KRIT1: variants seen among roughly 807,000 people sequenced by gnomAD.
KRIT1 encodes KRIT1 ankyrin repeat containing.
In KRIT1, 45 loss-of-function variants were observed where a neutral mutation model predicts 95.8. The observed-to-expected ratio is 0.47, with a 90% CI of 0.37 to 0.60. The LOEUF (loss-of-function observed/expected upper bound fraction) is 0.60. KRIT1 is among the 20% of genes least tolerant of loss of function. The pLI, the probability that KRIT1 is intolerant of heterozygous loss-of-function variation, is 0.00. For synonymous variants in KRIT1, 282 were observed against 278.8 expected (o/e 1.01, Z -0.11); for missense variants, 788 against 877.5 (o/e 0.90, Z 1.29).
At chr7:92,209,353 T>C (rs1186695596) in intron 17 of KRIT1, among the ~76,000 whole-genome samples, 1 of 152,112 alleles carries the variant, frequency 6.6e-6, no homozygotes, top group East Asian at 1.9e-4. Context: ...CTGGAAGTCC[T>C]AGAGAGAGCA....
chr7:92,243,100 G>A (rs984806040), intron 3 of KRIT1, among the ~76,000 whole-genome samples: 7 of 152,216 alleles, frequency 4.6e-5, no homozygotes, highest in East Asian at 1.9e-4. Flanking sequence ...GATTACAGGC[G>A]TGAGCCACCA....
intron 13 of KRIT1, among the ~76,000 whole-genome samples, chr7:92,222,283 A>G (rs770907149): frequency 3.3e-5 from 5 of 152,200 alleles, no homozygotes; most frequent in Non-Finnish European, 4.4e-5. Flanking sequence ...TATCAAATGT[A>G]TATGAAATCC....
intron 14 of KRIT1, among the ~76,000 whole-genome samples, chr7:92,220,727 TTC>T (rs916377083): frequency 1.3e-4 from 19 of 143,718 alleles, no homozygotes; most frequent in African/African-American, 4.9e-4. Context: ...TGGAATCTCA[TTC>T]TGTCATCCAG....
rs540010607 is a variant in KRIT1 at position 92,219,076 on chromosome 7, C to T, written c.1563+2826G>A. 3.3e-5 allele frequency among the ~76,000 whole-genome samples: 5 copies of T among 152,344 alleles called. No homozygotes were observed. The East Asian group carries it at 7.7e-4, about 23-fold the overall frequency. ...AGTACAGTGGTGTGATCTTGGCTCA[C>T]TGCCCCCTCCACCTCCCGGGTTCAT... On this transcript the variant is annotated intron_variant, in intron 14 of 18. Transcript: ENST00000394505.
In KRIT1 at chr7:92,200,435, A is replaced by T. The variant is rs1789892711; in HGVS notation, c.*301T>A. 1 of 370,960 alleles carries T rather than the reference A, an allele frequency of 2.7e-6. No individual in the cohort carries two copies. Among genetic ancestry groups the T allele is most frequent in the East Asian group, 6.3e-5 (1 of 15,930 alleles). 23.0% of individuals were successfully genotyped at this position (370,960 alleles called of 1,614,324 possible). On this transcript the variant is annotated 3_prime_UTR_variant, in exon 19 of 19. Transcript: ENST00000394505. The stretch of plus-strand genomic sequence containing the variant: ...CGTGGTGCAATCTTGGCTCACTACA[A>T]CCTCCACCTCCTGGGTTTAAGCGAT...
intron 8 of KRIT1, 99 bp downstream of exon 8, chr7:92,235,304 T>C: frequency 1.6e-6 from 2 of 1,223,874 alleles, no homozygotes; most frequent in East Asian, 2.4e-5. Context: ...CAGGCCTTCA[T>C]GTTTATAATT....
intron 5 of KRIT1, among the ~76,000 whole-genome samples, chr7:92,240,340 G>C (rs1004673987): frequency 6.6e-6 from 1 of 152,150 alleles, no homozygotes; most frequent in Non-Finnish European, 1.5e-5. Context: ...CAGGCATAGA[G>C]AGGTATGCTT....
chr7:92,217,566 G>C (rs940852854), intron 14 of KRIT1, among the ~76,000 whole-genome samples: 1 of 152,086 alleles, frequency 6.6e-6, no homozygotes, highest in East Asian at 1.9e-4. Context: ...ATGTTTTCAA[G>C]GTTCACTCAT....
At chr7:92,220,876 G>C (rs1238423810) in intron 14 of KRIT1, among the ~76,000 whole-genome samples, 1 of 151,202 alleles carries the variant, frequency 6.6e-6, no homozygotes, top group African/African-American at 2.4e-5. Context: ...TTTTAGTAGA[G>C]ACGGGGTTTC....
At chr7:92,218,785 T>C (rs1794523229) in intron 14 of KRIT1, among the ~76,000 whole-genome samples, 1 of 152,208 alleles carries the variant, frequency 6.6e-6, no homozygotes, top group Non-Finnish European at 1.5e-5. Context: ...TCTCCCATTC[T>C]GTTGCTTTTC....
intron 5 of KRIT1, among the ~76,000 whole-genome samples, chr7:92,239,762 G>C (rs1404498006): frequency 1.4e-5 from 2 of 148,048 alleles, no homozygotes; most frequent in African/African-American, 5.0e-5. Flanking sequence ...CCAGGCTAGA[G>C]TGCAGTGGCA....
chr7:92,226,695 AC>A lies in KRIT1; in HGVS notation c.990-14del, dbSNP rs780010981. 6.2e-6 allele frequency: 10 copies of A among 1,610,846 alleles called. No homozygotes were observed. Among genetic ancestry groups the A allele is most frequent in the Non-Finnish European group, 8.5e-6 (10 of 1,178,380 alleles). On this transcript the variant is annotated splice_polypyrimidine_tract_variant and intron_variant, in intron 10 of 18. Coordinates refer to ENST00000394505, the MANE Select transcript of KRIT1 (RefSeq NM_194454.3). ...AACTTTTCCATACCTGTATAAAAAA[AC>A]AAACAAACAAAAAACAACAACAAAA...
At chr7:92,215,758 G>C (rs559562805) in intron 14 of KRIT1, among the ~76,000 whole-genome samples, 1 of 150,704 alleles carries the variant, frequency 6.6e-6, no homozygotes, top group Admixed American at 6.6e-5. Context: ...ACCTGGCCTA[G>C]ATCTTTTTTT....
chr7:92,199,454 G>C lies in KRIT1; in HGVS notation c.*1282C>G, dbSNP rs1001753841. The C allele has an allele frequency of 1.3e-5, 2 of 152,168 alleles. No homozygotes were observed. The highest frequency in any genetic ancestry group is 4.8e-5 in the African/African-American group (2 of 41,448). 9.4% of individuals were successfully genotyped at this position (152,168 alleles called of 1,614,324 possible). On this transcript the variant is annotated 3_prime_UTR_variant, in exon 19 of 19. Transcript: ENST00000394505. ...AGTTTATTAGTTTGGAAAAACTGTAGTTTCTAGCTTATGAATAGCACATTC... is the reference window on the plus strand; with the variant it reads ...AGTTTATTAGTTTGGAAAAACTGTACTTTCTAGCTTATGAATAGCACATTC...
At chr7:92,213,642 A>T (rs933139698) in intron 16 of KRIT1, among the ~76,000 whole-genome samples, 1 of 152,106 alleles carries the variant, frequency 6.6e-6, no homozygotes, top group Non-Finnish European at 1.5e-5. Flanking sequence ...CATGGATAGT[A>T]TATTATTTCA....
chr7:92,225,557 T>C (rs1421029391), intron 12 of KRIT1, among the ~76,000 whole-genome samples, 163 bp downstream of exon 12: 1 of 152,130 alleles, frequency 6.6e-6, no homozygotes, highest in Non-Finnish European at 1.5e-5. Flanking sequence ...CCTCCCAAAG[T>C]TCTGGGATTA....
intron 17 of KRIT1, chr7:92,206,745 C>T (rs1190324796): frequency 2.6e-5 from 4 of 151,216 alleles, no homozygotes; most frequent in Non-Finnish European, 4.4e-5. Context: ...TTTTGAAATG[C>T]CTAACAAAAA....
chr7:92,221,101 C>A (rs1256832780), intron 14 of KRIT1, among the ~76,000 whole-genome samples: 2 of 152,120 alleles, frequency 1.3e-5, no homozygotes, highest in Admixed American at 6.5e-5. Flanking sequence ...AAATACTATT[C>A]TCATTTTTTA....
intron 9 of KRIT1, 61 bp downstream of exon 9, chr7:92,234,747 A>G (rs781056300): frequency 2.5e-6 from 3 of 1,176,924 alleles, no homozygotes; most frequent in Non-Finnish European, 3.8e-6. Flanking sequence ...ATTTTAAACA[A>G]TACTTTAAAT....
Sources: allele counts gnomAD v4.1 joint callset (sites outside exome capture counted in the v4.1 genomes callset), GRCh38; gene constraint gnomAD v4.1.1; transcripts MANE v1.5; gene names NCBI Gene and HGNC (gene_info 2026-07-23, HGNC 2026-07-21).